Variants in WDR88 observed in about 807,000 individuals in gnomAD.
WDR88 encodes WD repeat domain 88.
Under a neutral mutation model 46.8 loss-of-function variants are expected in WDR88, and 40 were observed. The observed-to-expected ratio is 0.86, with a 90% CI of 0.66 to 1.11. WDR88 has a LOEUF of 1.11. WDR88 is among the 50% of genes most tolerant of loss of function. WDR88 has a pLI of 0.00. For synonymous variants in WDR88, 235 were observed against 240.7 expected (o/e 0.98, Z 0.22); for missense variants, 562 against 602.4 (o/e 0.93, Z 0.70).
At chr19:33,157,683 GTATGTATATATATATATATATATATATA>G (rs1211173942) in intron 7 of WDR88, among the ~76,000 whole-genome samples, 196 of 6,432 alleles carry the variant, frequency 0.03, 9 homozygotes, top group South Asian at 0.075. Flanking sequence ...GTGTGTGTAT[GTATGTATATATATATATATATATATATA>G]TATATATATA....
intron 5 of WDR88, among the ~76,000 whole-genome samples, chr19:33,149,367 A>C (rs74927142): frequency 9.3e-5 from 14 of 151,074 alleles, no homozygotes; most frequent in Non-Finnish European, 1.6e-4. Flanking sequence ...AAACAAAAAA[A>C]CACACCAAAA....
intron 7 of WDR88, among the ~76,000 whole-genome samples, chr19:33,157,681 ATGTATG>A (rs1434975083): frequency 0.46 from 10,628 of 23,110 alleles, 1,148 homozygotes; most frequent in African/African-American, 0.53. Flanking sequence ...GTGTGTGTGT[ATGTATG>A]TATATATATA....
At chr19:33,133,048 T>C (rs1055480965) in intron 1 of WDR88, among the ~76,000 whole-genome samples, 2 of 151,690 alleles carry the variant, frequency 1.3e-5, no homozygotes, top group African/African-American at 4.8e-5. Context: ...TCCCAGCCAC[T>C]TGAAAGGCTG....
intron 2 of WDR88, 21 bp from the exon 3 acceptor site, chr19:33,144,823 T>C (rs774160982): frequency 1.2e-6 from 2 of 1,609,912 alleles, no homozygotes; most frequent in Non-Finnish European, 1.7e-6. Flanking sequence ...TCTCTTCTCC[T>C]CTCTCTCCCG....
chr19:33,148,926 C>T lies in WDR88; in HGVS notation c.679+16C>T. The T allele has an allele frequency of 1.9e-6, 3 of 1,613,738 alleles. No individual in the cohort carries two copies. Among genetic ancestry groups the T allele is most frequent in the Non-Finnish European group, 1.7e-6 (2 of 1,179,936 alleles). The stretch of plus-strand genomic sequence containing the variant: ...GTCATCAAAGGTGAGGGTGTGCGGG[C>T]TCCCTGTATCTTCAGTCTGCCATAG... On this transcript the variant is annotated intron_variant, in intron 5 of 10. Coordinates refer to ENST00000355868, the MANE Select transcript of WDR88 (RefSeq NM_173479.4).
intron 2 of WDR88, among the ~76,000 whole-genome samples, chr19:33,138,301 C>G (rs1269913922): frequency 1.3e-5 from 2 of 152,162 alleles, no homozygotes; most frequent in Non-Finnish European, 2.9e-5. Context: ...ATCCACCCAC[C>G]TCGGCCTCCC....
chr19:33,133,210 G>GAGAGAGAAAGAA (rs796439243), intron 1 of WDR88, among the ~76,000 whole-genome samples: 1 of 147,962 alleles, frequency 6.8e-6, no homozygotes, highest in African/African-American at 2.5e-5. Flanking sequence ...GAGAGAGAGA[G>GAGAGAGAAAGAA]AGAAAGAAAG....
chr19:33,166,282 C>CAAAAAAAA (rs34053341), intron 9 of WDR88, among the ~76,000 whole-genome samples: 2 of 55,558 alleles, frequency 3.6e-5, no homozygotes, highest in East Asian at 4.6e-4. Flanking sequence ...GTTGTGGTCT[C>CAAAAAAAA]AAAAAAAAAA....
intron 2 of WDR88, among the ~76,000 whole-genome samples, chr19:33,142,991 C>T (rs1470749545): frequency 2.0e-5 from 3 of 151,514 alleles, no homozygotes; most frequent in Non-Finnish European, 4.4e-5. Context: ...GGCTCCCTTG[C>T]CCCTGGGGTC....
chr19:33,140,362 A>G (rs928283710), intron 2 of WDR88, among the ~76,000 whole-genome samples: 6 of 152,092 alleles, frequency 3.9e-5, no homozygotes, highest in Admixed American at 3.9e-4. Context: ...GTCTTGCTAC[A>G]TTGCCCAGGC....
chr19:33,168,373 T>A (rs1031222919), intron 9 of WDR88, among the ~76,000 whole-genome samples: 3 of 151,858 alleles, frequency 2.0e-5, no homozygotes, highest in Non-Finnish European at 2.9e-5. Flanking sequence ...ATATAGAAAA[T>A]CCCAAAGAAT....
chr19:33,156,242 C>T, intron 6 of WDR88, 113 bp from the exon 7 acceptor site: 1 of 1,090,326 alleles, frequency 9.2e-7, no homozygotes, highest in Non-Finnish European at 1.3e-6. Flanking sequence ...GAAGTGCTAG[C>T]ATGTGCAGCC....
chr19:33,157,989 C>T (rs115587167), intron 7 of WDR88, among the ~76,000 whole-genome samples: 55 of 152,014 alleles, frequency 3.6e-4, no homozygotes, highest in African/African-American at 1.3e-3. Context: ...CCCCCTGATG[C>T]AGAGGGACTA....
In WDR88 at chr19:33,175,616, C is replaced by T; in HGVS notation, c.*44C>T. On this transcript the variant is annotated 3_prime_UTR_variant, in exon 11 of 11. Coordinates refer to ENST00000355868, the MANE Select transcript of WDR88 (RefSeq NM_173479.4). ...AGTGACTCCAGCACAGGCTACCTAG[C>T]ATGTAGGTTTCGGGGCTTTGCAGGG... 1.2e-6 allele frequency: 2 copies of T among 1,609,710 alleles called. No homozygotes were observed. Among genetic ancestry groups the T allele is most frequent in the Middle Eastern group, 1.8e-4 (1 of 5,506 alleles).
chr19:33,135,544 A>G (rs1354372120), intron 1 of WDR88, among the ~76,000 whole-genome samples: 2 of 151,910 alleles, frequency 1.3e-5, no homozygotes, highest in Non-Finnish European at 2.9e-5. Context: ...TCAGTCTCCC[A>G]GTAGCTGGGC....
At chr19:33,139,811 C>T (rs73926250) in intron 2 of WDR88, among the ~76,000 whole-genome samples, 2,147 of 152,070 alleles carry the variant, frequency 0.014, 53 homozygotes, top group African/African-American at 0.049. Context: ...AGAAAATATG[C>T]ATACACACAC....
At chr19:33,163,318 G>C (rs1338462183) in intron 8 of WDR88, among the ~76,000 whole-genome samples, 2 of 148,434 alleles carry the variant, frequency 1.3e-5, no homozygotes, top group Non-Finnish European at 3.0e-5. Context: ...GGGTGACAGA[G>C]CGAGACTCCG....
At chr19:33,170,438 C>G (rs1974019153) in intron 9 of WDR88, among the ~76,000 whole-genome samples, 1 of 152,108 alleles carries the variant, frequency 6.6e-6, no homozygotes, top group Non-Finnish European at 1.5e-5. Flanking sequence ...CGTTGGCCTC[C>G]CAATGTGCTA....
intron 6 of WDR88, among the ~76,000 whole-genome samples, chr19:33,154,925 T>C (rs955303628): frequency 1.3e-5 from 2 of 152,186 alleles, no homozygotes; most frequent in Non-Finnish European, 2.9e-5. Context: ...AAAACTCTGA[T>C]CTGAGCTCTA....
Sources: gnomAD v4.1 joint callset for allele counts (sites outside exome capture counted in the v4.1 genomes callset) on GRCh38, gnomAD v4.1.1 for gene constraint, MANE v1.5 for transcripts, NCBI Gene and HGNC (gene_info 2026-07-23, HGNC 2026-07-21) for gene names.